The following PACS2 variants were observed in gnomAD, a reference collection of about 807,000 sequenced individuals.
The protein encoded by PACS2 is PACS1-like protein.
PACS2 carries 36 observed loss-of-function variants against 113.0 expected under a neutral mutation model. The ratio of observed to expected loss-of-function variants is 0.32; its 90% CI spans 0.24 to 0.42. The LOEUF (loss-of-function observed/expected upper bound fraction) is 0.42, where lower values mean the gene tolerates loss of function less well. Among genes scored for constraint, PACS2 ranks in the 10% least tolerant of loss-of-function variants. The pLI, the probability that PACS2 is intolerant of heterozygous loss-of-function variation, is 1.00. For synonymous variants in PACS2, 589 were observed against 536.1 expected, an observed-to-expected ratio of 1.10 and a Z score of -1.36; for missense variants, 1,015 against 1,239.5, an observed-to-expected ratio of 0.82 and a Z score of 2.72.
At chr14:105,352,649 G>A (rs2060230795) in intron 3 of PACS2, among the ~76,000 whole-genome samples, 182 bp downstream of exon 3, 1 of 143,440 alleles carries the variant, frequency 7.0e-6, no homozygotes, top group African/African-American at 2.6e-5. Flanking sequence ...CTGGGGAGAC[G>A]GGCACCCCTC....
intron 1 of PACS2, among the ~76,000 whole-genome samples, chr14:105,342,230 CTGTGTGTGTGTGTGTGTGTG>C (rs373390359): frequency 2.6e-4 from 37 of 140,338 alleles, no homozygotes; most frequent in South Asian, 2.6e-3. Flanking sequence ...AAGCTGCTGC[CTGTGTGTGTGTGTGTGTGTG>C]TGTGTGTGTG....
At position 105,349,420 on chromosome 14, in the gene PACS2, CGAG is replaced by C. The variant is rs587693523; in HGVS notation, c.207+843_207+845del. Among the ~76,000 whole-genome samples, 27 of 152,354 alleles carry C rather than the reference CGAG, an allele frequency of 1.8e-4. No homozygotes were observed. The South Asian group carries it at 2.7e-3, about 15-fold the overall frequency. ...TCCTGACCCCAGCCCATCAGCTCCT[CGAG>C]GATGGGGCCCTGCCCTTGGAGCCCA... is the stretch of plus-strand genomic sequence containing the variant. On this transcript the variant is annotated intron_variant, in intron 2 of 24. Coordinates refer to ENST00000447393, the MANE Select transcript of PACS2 (RefSeq NM_001100913.3).
In PACS2 at chr14:105,315,191, CG is replaced by C; in HGVS notation, c.119+155del. 4 of 291,358 alleles carry C rather than the reference CG, an allele frequency of 1.4e-5. No individual in the cohort carries two copies. Among genetic ancestry groups the C allele is most frequent in the Non-Finnish European group, 1.6e-5 (3 of 189,390 alleles). The allele number at this position is 291,358 out of a possible 1,614,324, so 18.0% of individuals were successfully genotyped here. A position where few individuals can be genotyped will look rare whatever the true frequency, so the allele number is the denominator to read the frequency against. The stretch of plus-strand genomic sequence containing the variant: ...CCGCCGGTTCGACGCGTGCAGCCGC[CG>C]CCCCCCCGCAGCTCCGGCAAGCGCG... On this transcript the variant is annotated intron_variant, in intron 1 of 24. Transcript: ENST00000447393. This position sits in a 1 kb window ranked among gnomAD's most constrained non-coding sequence, Gnocchi z 4.4.
At chr14:105,302,856 C>T (rs587739390) in intron 1 of PACS2, among the ~76,000 whole-genome samples, 9 of 152,240 alleles carry the variant, frequency 5.9e-5, no homozygotes, top group African/African-American at 1.9e-4. Context: ...GCTGGGATTA[C>T]AGGCATGAGC....
At position 105,367,241 on chromosome 14, in the gene PACS2, A is replaced by T. The variant is rs782108001; in HGVS notation, c.452A>T (p.Gln151Leu). ...EVMQHPSEGG[Q>L]VLSLCSSIKE... ...ATGCAACACCCGTCTGAAGGTGGCC[A>T]GGTGCTGAGCCTCTGCAGCAGCATC... The change falls in exon 5 of 25, where the codon CAG becomes CTG. Residue 151 changes from glutamine to leucine, a missense_variant. Gln to Leu is a moderately radical substitution (Grantham distance 113). Coordinates refer to ENST00000447393, the MANE Select transcript of PACS2 (RefSeq NM_001100913.3). 5 of 1,613,074 alleles carry T rather than the reference A, an allele frequency of 3.1e-6. No individual in the cohort carries two copies. The South Asian group carries it at 4.4e-5, about 14-fold the overall frequency.
chr14:105,323,528 C>T lies in PACS2; in HGVS notation c.119+8491C>T, dbSNP rs1434728158. 6.6e-6 allele frequency among the ~76,000 whole-genome samples: 1 copy of T among 152,244 alleles called. No individual in the cohort carries two copies. Among genetic ancestry groups the T allele is most frequent in the Admixed American group, 6.5e-5 (1 of 15,286 alleles). On this transcript the variant is annotated intron_variant, in intron 1 of 24. Transcript: ENST00000447393. This position sits in a 1 kb window ranked among gnomAD's most constrained non-coding sequence, Gnocchi z 4.1. Reference sequence around the variant, plus strand: ...CAGTGTAGCTCCTTGGCGGACGTTCCTGTAATGGAACCAGGATGTCATGCC... The same window carrying T: ...CAGTGTAGCTCCTTGGCGGACGTTCTTGTAATGGAACCAGGATGTCATGCC...
chr14:105,383,885 G>T (rs1885804008), intron 16 of PACS2: 2 of 295,224 alleles, frequency 6.8e-6, no homozygotes, highest in Non-Finnish European at 1.3e-5. Flanking sequence ...GCAAAGCAGG[G>T]CTCGTTATTA....
chr14:105,386,051 TTC>T (rs1348650318), intron 19 of PACS2, among the ~76,000 whole-genome samples: 1 of 152,216 alleles, frequency 6.6e-6, no homozygotes, highest in Non-Finnish European at 1.5e-5. Context: ...AGGCAGGCCT[TTC>T]CCCGGCTCTG....
intron 3 of PACS2, among the ~76,000 whole-genome samples, 193 bp downstream of exon 3, chr14:105,352,660 A>G (rs1450517390): frequency 3.2e-5 from 4 of 124,810 alleles, no homozygotes; most frequent in Admixed American, 8.1e-5. Context: ...GGCACCCCTC[A>G]TCACCGTCCC....
At chr14:105,389,233 C>T (rs1555414267) in intron 19 of PACS2, 1 of 152,552 alleles carries the variant, frequency 6.6e-6, no homozygotes, top group African/African-American at 2.4e-5. Context: ...GGGCTGTGAC[C>T]AGACTTCCAG....
At chr14:105,392,015 G>T in intron 22 of PACS2, 1 of 539,734 alleles carries the variant, frequency 1.9e-6, no homozygotes, top group African/African-American at 2.0e-5. Context: ...GTTGTGCTGG[G>T]CTGTCTCTCA....
At chr14:105,322,036 C>T (rs1321921840) in intron 1 of PACS2, among the ~76,000 whole-genome samples, 1 of 151,694 alleles carries the variant, frequency 6.6e-6, no homozygotes, top group Admixed American at 6.6e-5. Flanking sequence ...CTCCCGGGTT[C>T]AAGCGATTCT....
At chr14:105,383,007 C>G in intron 15 of PACS2, 94 bp downstream of exon 15, 1 of 754,290 alleles carries the variant, frequency 1.3e-6, no homozygotes, top group Non-Finnish European at 2.3e-6. Context: ...TAGGTGCGTC[C>G]TGGACCTGGG....
intron 4 of PACS2, among the ~76,000 whole-genome samples, chr14:105,364,387 G>A (rs1326070264): frequency 8.0e-6 from 1 of 125,182 alleles, no homozygotes; most frequent in Non-Finnish European, 1.6e-5. Context: ...CCGGGTGCGC[G>A]GTGGGCGGTG....
rs587750399 is a variant in PACS2 at position 105,345,423 on chromosome 14, G to T, written c.120-3070G>T. ...CTCCGTCTTGAGAAAAAAAAAAATG[G>T]AATCTTTAGATTGTGTATTTGAATC... is the stretch of plus-strand genomic sequence containing the variant. On this transcript the variant is annotated intron_variant, in intron 1 of 24. Coordinates refer to ENST00000447393, the MANE Select transcript of PACS2 (RefSeq NM_001100913.3). Among the ~76,000 whole-genome samples, 163 of 152,240 alleles carry T rather than the reference G, an allele frequency of 1.1e-3. 2 individuals are homozygous for T. The South Asian group carries it at 0.033, about 31-fold the overall frequency.
upstream of PACS2, among the ~76,000 whole-genome samples, chr14:105,311,732 G>A (rs746613503): frequency 6.6e-4 from 100 of 152,186 alleles, no homozygotes; most frequent in Non-Finnish European, 1.1e-3. Flanking sequence ...GTGCGGCTGC[G>A]GGTGCAGCGA....
rs1555414867 is a variant in PACS2 at position 105,391,653 on chromosome 14, C to A, written c.2142C>A (p.Pro714=). The A allele has an allele frequency of 6.2e-7, 1 of 1,610,626 alleles. No individual in the cohort carries two copies. Among genetic ancestry groups the A allele is most frequent in the East Asian group, 2.2e-5 (1 of 44,836 alleles). Residue 714 remains proline (P), a synonymous_variant, in exon 22 of 25, where the codon CCC becomes CCA. Coordinates refer to ENST00000447393, the MANE Select transcript of PACS2 (RefSeq NM_001100913.3). ...ATSGDSDDAA[P]SGSGTLSSTP... The stretch of plus-strand genomic sequence containing the variant: ...AAGGCGACTCGGACGACGCGGCCCC[C>A]TCGGGCTCTGGCACGCTCTCCTCCA...
intron 19 of PACS2, among the ~76,000 whole-genome samples, chr14:105,386,661 C>A (rs587694551): frequency 6.6e-6 from 1 of 152,040 alleles, no homozygotes; most frequent in Admixed American, 6.5e-5. Flanking sequence ...GGAAACCCCC[C>A]CAACCCCCTG....
intron 1 of PACS2, among the ~76,000 whole-genome samples, chr14:105,337,386 G>A (rs1258666884): frequency 5.3e-5 from 8 of 152,230 alleles, no homozygotes; most frequent in African/African-American, 1.4e-4. Context: ...CAGCATCCAC[G>A]CACGTAGTGC....
Sources: gnomAD v4.1 joint callset for allele counts (sites outside exome capture counted in the v4.1 genomes callset) on GRCh38, gnomAD v4.1.1 for gene constraint, Gnocchi (gnomAD v3.1) non-coding constraint, MANE v1.5 for transcripts, NCBI Gene and HGNC (gene_info 2026-07-23, HGNC 2026-07-21) for gene names.